C1QTNF6: variants seen among roughly 807,000 people sequenced by gnomAD.
C1QTNF6 encodes C1q and TNF related 6, also known as complement C1q tumor necrosis factor-related protein 6.
A neutral mutation model predicts 20.7 loss-of-function variants in C1QTNF6; 17 were observed. That is an observed-to-expected ratio of 0.82 (90% confidence interval 0.56 to 1.23). The LOEUF is 1.23. Ranked by LOEUF, C1QTNF6 falls within the 50% of genes most tolerant of loss-of-function variation. The probability of loss-of-function intolerance (pLI) is 0.00; values close to 1 mark genes in which losing one functional copy is unlikely to be tolerated. For synonymous variants in C1QTNF6, 130 were observed against 156.3 expected (o/e 0.83, Z 1.25); for missense variants, 329 against 389.7 (o/e 0.84, Z 1.31).
At chr22:37,198,848 C>T (rs1333403404), upstream of C1QTNF6, among the ~76,000 whole-genome samples, 1 of 152,044 alleles carries the variant, frequency 6.6e-6, no homozygotes, top group Non-Finnish European at 1.5e-5. Context: ...AGGAGAGCCC[C>T]GGGCCTGGTT....
At chr22:37,197,338 G>A (rs1385753546) in intron 1 of C1QTNF6, 13 of 152,218 alleles carry the variant, frequency 8.5e-5, no homozygotes, top group Admixed American at 7.2e-4. Flanking sequence ...GGGTTGAGTC[G>A]GCAGCACTGG....
At chr22:37,183,662 AG>A (rs1462619333) in intron 2 of C1QTNF6, among the ~76,000 whole-genome samples, 1 of 152,238 alleles carries the variant, frequency 6.6e-6, no homozygotes, top group Non-Finnish European at 1.5e-5. Flanking sequence ...GGGGACAGAA[AG>A]GAGGGCACAG....
chr22:37,184,344 G>A lies in C1QTNF6; in HGVS notation c.289+874C>T. On this transcript the variant is annotated intron_variant, in intron 2 of 2. Transcript: ENST00000337843. This position sits in a 1 kb window ranked among gnomAD's most constrained non-coding sequence, Gnocchi z 4.0. ...GAATAAGAAAATATCGACCTCACGG[G>A]CTGTTGTGGGCAGAGACGGACGCTA... is the stretch of plus-strand genomic sequence containing the variant. The A allele has an allele frequency of 1.4e-6, 1 of 717,128 alleles. No homozygotes were observed. Among genetic ancestry groups the A allele is most frequent in the Non-Finnish European group, 2.6e-6 (1 of 384,964 alleles). 44.4% of individuals were successfully genotyped at this position (717,128 alleles called of 1,614,324 possible).
intron 2 of C1QTNF6, among the ~76,000 whole-genome samples, chr22:37,194,360 T>G (rs2145782761): frequency 6.6e-6 from 1 of 152,328 alleles, no homozygotes; most frequent in East Asian, 1.9e-4. Flanking sequence ...CTAGCCCCCA[T>G]GAATTCTTTT....
intron 1 of C1QTNF6, 55 bp downstream of exon 1, chr22:37,188,108 G>A: frequency 1.9e-6 from 3 of 1,554,070 alleles, no homozygotes; most frequent in Non-Finnish European, 2.6e-6. Context: ...AGGGAGGAGA[G>A]GAATTCCAGG....
chr22:37,181,886 T>G lies in C1QTNF6; in HGVS notation c.*302A>C. ...AGACCTGCTGAGTCAGAATCTGCAT[T>G]TAACACGAACCCCGGGTGATTCGCA... On this transcript the variant is annotated 3_prime_UTR_variant, in exon 3 of 3. Transcript: ENST00000337843. 2.5e-6 allele frequency: 1 copy of G among 406,744 alleles called. No homozygotes were observed. Among genetic ancestry groups the G allele is most frequent in the Non-Finnish European group, 4.5e-6 (1 of 223,554 alleles). The allele number at this position is 406,744 out of a possible 1,614,324, so 25.2% of individuals were successfully genotyped here.
chr22:37,182,868 G>A lies in C1QTNF6; in HGVS notation c.290-133C>T. The A allele has an allele frequency of 3.5e-6, 5 of 1,442,220 alleles. No individual in the cohort carries two copies. In the South Asian group the frequency reaches 6.0e-5, roughly 17 times the overall value. The allele number at this position is 1,442,220 out of a possible 1,614,324, so 89.3% of individuals were successfully genotyped here. A position where few individuals can be genotyped will look rare whatever the true frequency, so the allele number is the denominator to read the frequency against. On this transcript the variant is annotated intron_variant, in intron 2 of 2. Coordinates refer to ENST00000337843, the MANE Select transcript of C1QTNF6 (RefSeq NM_031910.4). The stretch of plus-strand genomic sequence containing the variant: ...AGCCAGCATTTATTTAGCACCTACT[G>A]TATGCCAGACATTGCCTCCCCACAT...
Position 37,184,610 on chromosome 22 carries a change from G to C in C1QTNF6, c.289+608C>G, listed in dbSNP as rs1924129061. On this transcript the variant is annotated intron_variant, in intron 2 of 2. Coordinates refer to ENST00000337843, the MANE Select transcript of C1QTNF6 (RefSeq NM_031910.4). The surrounding 1 kb of genome is among the most constrained non-coding windows in gnomAD (Gnocchi z 4.0). ...CTCCGACCCTCGGCCCCCGCTGGTT[G>C]CTCTCCACATGACATTAGAGGGATC... Among the ~76,000 whole-genome samples, 1 of 152,044 alleles carries C rather than the reference G, an allele frequency of 6.6e-6. No individual in the cohort carries two copies. The highest frequency in any genetic ancestry group is 1.5e-5 in the Non-Finnish European group (1 of 67,994).
intron 2 of C1QTNF6, among the ~76,000 whole-genome samples, chr22:37,193,962 T>C (rs1269297639): frequency 1.3e-4 from 20 of 152,234 alleles, no homozygotes; most frequent in Admixed American, 3.9e-4. Flanking sequence ...AGACAGTTTC[T>C]GTTTTCCTTC....
intron 1 of C1QTNF6, chr22:37,197,479 G>A (rs1341629769): frequency 1.3e-5 from 2 of 152,336 alleles, no homozygotes; most frequent in African/African-American, 4.8e-5. Context: ...CAATGGTTTT[G>A]TCAAGGGCCA....
At chr22:37,193,752 C>T (rs977832658) in intron 2 of C1QTNF6, among the ~76,000 whole-genome samples, 6 of 152,044 alleles carry the variant, frequency 3.9e-5, no homozygotes, top group African/African-American at 7.3e-5. Context: ...GCAGTTTTTA[C>T]GAGATCTAGA....
At chr22:37,189,936 A>G (rs2145776386), upstream of C1QTNF6, among the ~76,000 whole-genome samples, 1 of 152,328 alleles carries the variant, frequency 6.6e-6, no homozygotes, top group Non-Finnish European at 1.5e-5. Flanking sequence ...TCTTAGTCAC[A>G]GGAATTGCTA....
At chr22:37,193,721 G>A (rs1924954334) in intron 2 of C1QTNF6, among the ~76,000 whole-genome samples, 1 of 152,132 alleles carries the variant, frequency 6.6e-6, no homozygotes, top group South Asian at 2.1e-4. Flanking sequence ...GGTATACAAG[G>A]TATTTTCAAA....
chr22:37,191,078 C>A (rs972809381), upstream of C1QTNF6: 2 of 152,098 alleles, frequency 1.3e-5, no homozygotes, highest in Non-Finnish European at 2.9e-5. Flanking sequence ...ATGATGTTTT[C>A]TTTTTCTCTG....
upstream of C1QTNF6, among the ~76,000 whole-genome samples, chr22:37,189,304 T>A (rs560660983): frequency 6.6e-6 from 1 of 152,218 alleles, no homozygotes; most frequent in Admixed American, 6.5e-5. Context: ...TACCGCATAC[T>A]GTTTCTCAGC....
intron 1 of C1QTNF6, chr22:37,186,049 GAA>G: frequency 1.0e-6 from 1 of 985,096 alleles, no homozygotes; most frequent in African/African-American, 1.7e-5. Flanking sequence ...CCATAGTTCT[GAA>G]AAAAAAGAGA....
chr22:37,190,395 C>T (rs1344136849), upstream of C1QTNF6, among the ~76,000 whole-genome samples: 1 of 152,150 alleles, frequency 6.6e-6, no homozygotes, highest in Non-Finnish European at 1.5e-5. Flanking sequence ...CATGGATTTA[C>T]CTATGCCTGC....
At chr22:37,186,079 C>A in intron 1 of C1QTNF6, 1 of 985,458 alleles carries the variant, frequency 1.0e-6, no homozygotes, top group Non-Finnish European at 1.2e-6. Context: ...GTTCATTGAT[C>A]CTAGCAGACA....
Position 37,197,146 on chromosome 22 carries a change from G to C in C1QTNF6, n.146+457C>G, listed in dbSNP as rs1356173910. On this transcript the variant is annotated intron_variant and non_coding_transcript_variant, in intron 1 of 4. Transcript: ENST00000467564. ...TGGAATCCCCCAGGTCATCCATTCA[G>C]GGGTGCAAGGGGGCCCAAAGGAAAG... 2.6e-5 allele frequency: 4 copies of C among 152,486 alleles called. No homozygotes were observed. The East Asian group carries it at 7.7e-4, about 29-fold the overall frequency. 9.4% of individuals were successfully genotyped at this position (152,486 alleles called of 1,614,324 possible). A position where few individuals can be genotyped will look rare whatever the true frequency, so the allele number is the denominator to read the frequency against.
Sources: allele counts gnomAD v4.1 joint callset (sites outside exome capture counted in the v4.1 genomes callset), GRCh38; gene constraint gnomAD v4.1.1; non-coding constraint Gnocchi (gnomAD v3.1); transcripts MANE v1.5; gene names NCBI Gene and HGNC (gene_info 2026-07-23, HGNC 2026-07-21).